NEDD4L: variants seen among roughly 807,000 people sequenced by gnomAD.
NEDD4L encodes E3 ubiquitin-protein ligase NEDD4-like.
A neutral mutation model predicts 148.9 loss-of-function variants in NEDD4L; 54 were observed. The ratio of observed to expected loss-of-function variants is 0.36; its 90% CI spans 0.29 to 0.45. NEDD4L has a LOEUF of 0.45. NEDD4L is among the 20% of genes least tolerant of loss of function. The pLI, the probability that NEDD4L is intolerant of heterozygous loss-of-function variation, is 1.00. For missense variants in NEDD4L, 856 were observed against 1,233.8 expected (o/e 0.69, Z 4.59); for synonymous variants, 433 against 440.7 (o/e 0.98, Z 0.22).
chr18:58,190,506 A>G (rs1018751087), intron 2 of NEDD4L, among the ~76,000 whole-genome samples: 3 of 152,226 alleles, frequency 2.0e-5, no homozygotes, highest in Non-Finnish European at 2.9e-5. Context: ...TAGGAAACAC[A>G]TAATACAGAA....
intron 5 of NEDD4L, among the ~76,000 whole-genome samples, chr18:58,283,390 T>G (rs2053457051): frequency 6.6e-6 from 1 of 152,208 alleles, no homozygotes; most frequent in Non-Finnish European, 1.5e-5. Flanking sequence ...CACTGCCCTT[T>G]TAAAGCCTGT....
At chr18:58,186,527 T>C (rs1359469517) in intron 2 of NEDD4L, among the ~76,000 whole-genome samples, 1 of 152,210 alleles carries the variant, frequency 6.6e-6, no homozygotes, top group East Asian at 1.9e-4. Context: ...CTCTCTATTC[T>C]GATTGGCATT....
chr18:58,216,216 G>C (rs369387736), intron 2 of NEDD4L, among the ~76,000 whole-genome samples: 1 of 152,096 alleles, frequency 6.6e-6, no homozygotes, highest in Non-Finnish European at 1.5e-5. Context: ...AGAGAGGCAC[G>C]TGAAAGTGAG....
intron 17 of NEDD4L, 113 bp downstream of exon 17, chr18:58,349,727 A>C: frequency 1.9e-3 from 1,514 of 789,356 alleles, no homozygotes; most frequent in Non-Finnish European, 2.8e-3. Flanking sequence ...TGTGGATCTC[A>C]TTGGTTTGTG....
chr18:58,186,154 G>A (rs998263849), intron 2 of NEDD4L, among the ~76,000 whole-genome samples: 20 of 152,214 alleles, frequency 1.3e-4, no homozygotes, highest in Non-Finnish European at 2.4e-4. Flanking sequence ...AGTTGACGGA[G>A]TCGCAGATTA....
At chr18:58,078,847 A>G (rs1401254103) in intron 1 of NEDD4L, among the ~76,000 whole-genome samples, 1 of 152,114 alleles carries the variant, frequency 6.6e-6, no homozygotes, top group Non-Finnish European at 1.5e-5. Context: ...GGACCTGATG[A>G]GACAATATGG....
chr18:58,307,541 G>A (rs2057210626), intron 5 of NEDD4L, among the ~76,000 whole-genome samples: 1 of 152,162 alleles, frequency 6.6e-6, no homozygotes. Flanking sequence ...GTGTAAACCT[G>A]TATGACTCTA....
chr18:58,136,562 A>G (rs1036225181), intron 1 of NEDD4L, among the ~76,000 whole-genome samples: 23 of 152,210 alleles, frequency 1.5e-4, no homozygotes, highest in African/African-American at 4.8e-4. Context: ...TACAGTGGAT[A>G]TTCACAAAAG....
intron 5 of NEDD4L, among the ~76,000 whole-genome samples, chr18:58,301,666 G>T (rs2056475808): frequency 6.6e-6 from 1 of 152,104 alleles, no homozygotes; most frequent in Admixed American, 6.5e-5. Context: ...TTCTGCCAGG[G>T]TCCCTGTGAT....
intron 5 of NEDD4L, among the ~76,000 whole-genome samples, chr18:58,284,357 C>T (rs1264693941): frequency 6.6e-6 from 1 of 151,784 alleles, no homozygotes; most frequent in East Asian, 1.9e-4. Context: ...TTTTTTTTTC[C>T]TCAAAGTAGC....
Position 58,256,684 on chromosome 18 carries a change from A to C in NEDD4L, c.297+4630A>C. On this transcript the variant is annotated intron_variant, in intron 5 of 30. Coordinates refer to ENST00000400345, the MANE Select transcript of NEDD4L (RefSeq NM_001144967.3). This position sits in a 1 kb window ranked among gnomAD's most constrained non-coding sequence, Gnocchi z 5.2. The stretch of plus-strand genomic sequence containing the variant: ...AGAACGCGGGGCAGCAGCATTTTAG[A>C]ATTCTTGTAACCCGGGGGCCGGAAG... The C allele has an allele frequency of 8.1e-7, 1 of 1,232,178 alleles. No individual in the cohort carries two copies. The highest frequency in any genetic ancestry group is 1.0e-6 in the Non-Finnish European group (1 of 988,018). 76.3% of individuals were successfully genotyped at this position (1,232,178 alleles called of 1,614,324 possible). A position where few individuals can be genotyped will look rare whatever the true frequency, so the allele number is the denominator to read the frequency against.
At chr18:58,245,587 C>T in intron 3 of NEDD4L, 79 bp downstream of exon 3, 1 of 716,260 alleles carries the variant, frequency 1.4e-6, no homozygotes, top group South Asian at 2.1e-5. Context: ...TGCTTAACAC[C>T]TTTTTGGTCA....
chr18:58,227,374 G>A (rs57898414), intron 2 of NEDD4L, among the ~76,000 whole-genome samples: 1 of 152,182 alleles, frequency 6.6e-6, no homozygotes, highest in African/African-American at 2.4e-5. Context: ...TCCTGGGGGT[G>A]TCCTGAAGGA....
At chr18:58,183,567 A>G (rs958599464) in intron 2 of NEDD4L, among the ~76,000 whole-genome samples, 35 of 152,044 alleles carry the variant, frequency 2.3e-4, no homozygotes, top group Admixed American at 5.9e-4. Flanking sequence ...CACCTGCAGC[A>G]CCCCCCTCCT....
chr18:58,372,603 TAA>T (rs1271161985), intron 23 of NEDD4L: 3 of 152,244 alleles, frequency 2.0e-5, no homozygotes, highest in Admixed American at 6.5e-5. Flanking sequence ...ATTTTCACTC[TAA>T]AAAGATAGAA....
chr18:58,213,579 T>G (rs1428024058), intron 2 of NEDD4L, among the ~76,000 whole-genome samples: 2 of 151,816 alleles, frequency 1.3e-5, no homozygotes, highest in African/African-American at 4.8e-5. Flanking sequence ...GGGAGTGGGG[T>G]GGAGGTTAAT....
chr18:58,056,085 G>A (rs1426645528), intron 1 of NEDD4L, among the ~76,000 whole-genome samples: 6 of 152,170 alleles, frequency 3.9e-5, no homozygotes, highest in Non-Finnish European at 8.8e-5. Context: ...GTGACCTAAA[G>A]TGTATCTCTT....
At chr18:58,372,993 AGTTT>A (rs1173627625) in intron 23 of NEDD4L, 177 bp from the exon 24 acceptor site, 4 of 535,450 alleles carry the variant, frequency 7.5e-6, no homozygotes, top group Non-Finnish European at 1.3e-5. Flanking sequence ...CAACTAAAGC[AGTTT>A]GTTTGTTTAT....
intron 5 of NEDD4L, among the ~76,000 whole-genome samples, chr18:58,277,361 A>G (rs1235905355): frequency 6.6e-6 from 1 of 152,108 alleles, no homozygotes; most frequent in Non-Finnish European, 1.5e-5. Context: ...GCATGTCAGG[A>G]GCTCTCTTCC....
Sources: allele counts gnomAD v4.1 joint callset (sites outside exome capture counted in the v4.1 genomes callset), GRCh38; gene constraint gnomAD v4.1.1; non-coding constraint Gnocchi (gnomAD v3.1); transcripts MANE v1.5; gene names NCBI Gene and HGNC (gene_info 2026-07-23, HGNC 2026-07-21).